Variants in RMND1 observed in about 807,000 individuals in gnomAD.
RMND1 encodes required for meiotic nuclear division 1 homolog.
Under a neutral mutation model 54.0 loss-of-function variants are expected in RMND1, and 41 were observed. The ratio of observed to expected loss-of-function variants is 0.76; its 90% CI spans 0.59 to 0.98. RMND1 has a LOEUF of 0.98. RMND1 is among the 50% of genes least tolerant of loss of function. The pLI is 0.00. For synonymous variants in RMND1, 183 were observed against 181.7 expected (o/e 1.01, Z -0.06); for missense variants, 457 against 532.0 (o/e 0.86, Z 1.39).
intron 4 of RMND1, 40 bp from the exon 5 acceptor site, chr6:151,430,217 G>A (rs1480735007): frequency 7.1e-7 from 1 of 1,404,478 alleles, no homozygotes; most frequent in Admixed American, 1.7e-5. Context: ...AGATACAGAT[G>A]GAATACATTC....
chr6:151,423,610 C>A lies in RMND1; in HGVS notation c.852G>T (p.Arg284Ser). 1 of 1,613,622 alleles carries A rather than the reference C, an allele frequency of 6.2e-7. No individual in the cohort carries two copies. Among genetic ancestry groups the A allele is most frequent in the Non-Finnish European group, 8.5e-7 (1 of 1,179,622 alleles). ...IKIEGQSKLH[R>S]GEIKLNSELD... Reference sequence around the variant, plus strand: ...GCTCTGAATTTAACTTGATTTCCCCCCTGTGAAGTTTTGACTGTCCCCTGT... The same window carrying A: ...GCTCTGAATTTAACTTGATTTCCCCACTGTGAAGTTTTGACTGTCCCCTGT... The change falls in exon 7 of 12, where the codon AGG (arginine) becomes AGT (serine). Residue 284 changes from arginine (R) to serine (S), a missense_variant. By Grantham distance (110) the Arg-to-Ser change is moderately radical. Coordinates refer to ENST00000444024, the MANE Select transcript of RMND1 (RefSeq NM_017909.4).
chr6:151,417,093 G>A, intron 10 of RMND1, 186 bp downstream of exon 10: 1 of 538,978 alleles, frequency 1.9e-6, no homozygotes, highest in South Asian at 2.7e-5. Context: ...TATCTAGTCT[G>A]TAGAGCTAAT....
At chr6:151,414,609 T>TA (rs1306025727) in intron 10 of RMND1, among the ~76,000 whole-genome samples, 1 of 151,636 alleles carries the variant, frequency 6.6e-6, no homozygotes, top group African/African-American at 2.4e-5. Flanking sequence ...AAGATACAAA[T>TA]AAAAAAACAT....
intron 10 of RMND1, among the ~76,000 whole-genome samples, chr6:151,414,747 A>G (rs12528441): frequency 0.11 from 16,909 of 152,208 alleles, 1,068 homozygotes; most frequent in East Asian, 0.19. Context: ...ATCTTAACAG[A>G]GACAAAATAT....
At chr6:151,423,665 C>T (rs777402806) in intron 6 of RMND1, 34 bp from the exon 7 acceptor site, 2 of 1,390,676 alleles carry the variant, frequency 1.4e-6, no homozygotes. Flanking sequence ...CCTTCTAAAT[C>T]TTAAAAAGCA....
intron 2 of RMND1, among the ~76,000 whole-genome samples, chr6:151,442,951 C>T (rs1780826750): frequency 6.6e-6 from 1 of 152,094 alleles, no homozygotes; most frequent in African/African-American, 2.4e-5. Context: ...TGACTGAAAC[C>T]TCATTCAGCC....
chr6:151,413,942 C>A (rs1282001082), intron 10 of RMND1: 1 of 152,342 alleles, frequency 6.6e-6, no homozygotes, highest in South Asian at 2.1e-4. Flanking sequence ...TCAGTGACAA[C>A]TGCAGATAGC....
At chr6:151,434,880 GCT>G (rs1436556345) in intron 3 of RMND1, among the ~76,000 whole-genome samples, 2 of 151,936 alleles carry the variant, frequency 1.3e-5, no homozygotes, top group Non-Finnish European at 2.9e-5. Flanking sequence ...ACAGAGTCTC[GCT>G]CTGTCACCCA....
chr6:151,445,281 C>G (rs371938063), intron 2 of RMND1, 27 bp downstream of exon 2: 1 of 1,579,428 alleles, frequency 6.3e-7, no homozygotes, highest in East Asian at 2.2e-5. Flanking sequence ...TCACTAAGCA[C>G]GAGAGCCACG....
chr6:151,433,300 C>T (rs552835888), intron 3 of RMND1, 70 bp from the exon 4 acceptor site: 2 of 943,226 alleles, frequency 2.1e-6, no homozygotes, highest in Non-Finnish European at 3.4e-6. Flanking sequence ...CACCTATAAA[C>T]ACTGTAATAA....
chr6:151,424,174 G>T (rs1780228640), intron 6 of RMND1, among the ~76,000 whole-genome samples: 1 of 152,018 alleles, frequency 6.6e-6, no homozygotes, highest in African/African-American at 2.4e-5. Flanking sequence ...AAAATGGTCA[G>T]TGTTGGCTGG....
rs779434760 is a variant in RMND1, at chr6:151,421,337, T to A, written c.1003-16A>T. ...CTTTTAAAGCCTAGTTGAGAGGGAA[T>A]CGGAAAAACCAAAAAACCATGTATC... On this transcript the variant is annotated splice_polypyrimidine_tract_variant and intron_variant, in intron 8 of 11. Transcript: ENST00000444024. 2.7e-5 allele frequency: 43 copies of A among 1,592,064 alleles called. No individual in the cohort carries two copies. The African/African-American group carries it at 5.5e-4, about 21-fold the overall frequency.
intron 1 of RMND1, among the ~76,000 whole-genome samples, chr6:151,451,758 T>C (rs1357072371): frequency 6.6e-6 from 1 of 152,120 alleles, no homozygotes; most frequent in African/African-American, 2.4e-5. Flanking sequence ...TCTTTGGGAG[T>C]ATGCCGTTCA....
In RMND1 at chr6:151,427,582, T is replaced by A; in HGVS notation, c.730A>T (p.Met244Leu). 1 of 1,591,972 alleles carries A rather than the reference T, an allele frequency of 6.3e-7. No individual in the cohort carries two copies. Among genetic ancestry groups the A allele is most frequent in the South Asian group, 1.1e-5 (1 of 90,562 alleles). Residue 244 changes from methionine (M) to leucine (L), a missense_variant and splice_region_variant, in exon 6 of 12, where the codon ATG becomes TTG. Physicochemically the swap from Met to Leu is conservative, Grantham distance 15. Transcript: ENST00000444024. ...TCTAGAACTTTCATCACATGCTTCA[T>A]CTAGAAGAAAAGGAAGATTAATCTG... is the stretch of plus-strand genomic sequence containing the variant. Reference protein sequence around the residue: ...AVFWNVKDKTMKHVMKVLEKH... With the variant: ...AVFWNVKDKTLKHVMKVLEKH...
chr6:151,410,465 G>T (rs1335715363), intron 10 of RMND1, among the ~76,000 whole-genome samples: 1 of 152,096 alleles, frequency 6.6e-6, no homozygotes, highest in East Asian at 1.9e-4. Context: ...CCTAAGGCAG[G>T]GTGAACTCTC....
chr6:151,449,962 A>C (rs924545887), intron 1 of RMND1, among the ~76,000 whole-genome samples: 5 of 152,270 alleles, frequency 3.3e-5, no homozygotes, highest in Middle Eastern at 3.4e-3. Context: ...TCAATGGTGC[A>C]CAGGCTGGAG....
intron 2 of RMND1, among the ~76,000 whole-genome samples, chr6:151,442,429 A>G (rs1780807651): frequency 6.6e-6 from 1 of 152,134 alleles, no homozygotes; most frequent in Non-Finnish European, 1.5e-5. Context: ...GCCTGAAAAC[A>G]TTCTCCCTGG....
intron 5 of RMND1, among the ~76,000 whole-genome samples, chr6:151,429,381 A>G (rs1780392274): frequency 6.6e-6 from 1 of 152,148 alleles, no homozygotes; most frequent in South Asian, 2.1e-4. Context: ...TTGGTCTCCC[A>G]AAGTGCTGGG....
At chr6:151,441,946 T>C (rs999561098) in intron 2 of RMND1, among the ~76,000 whole-genome samples, 10 of 152,148 alleles carry the variant, frequency 6.6e-5, no homozygotes, top group Non-Finnish European at 1.2e-4. Context: ...AGGGCAGTCT[T>C]GTGGGGCTGA....
Sources: gnomAD v4.1 joint callset for allele counts (sites outside exome capture counted in the v4.1 genomes callset) on GRCh38, gnomAD v4.1.1 for gene constraint, MANE v1.5 for transcripts, NCBI Gene and HGNC (gene_info 2026-07-23, HGNC 2026-07-21) for gene names.